ZNF521: variants seen among roughly 807,000 people sequenced by gnomAD.
ZNF521 encodes the protein zinc finger protein 521.
Under a neutral mutation model 105.5 loss-of-function variants are expected in ZNF521, and 14 were observed. The observed-to-expected ratio is 0.13, with a 90% CI of 0.09 to 0.21. ZNF521 has a LOEUF of 0.21. Ranked by LOEUF, ZNF521 falls within the 10% of genes least tolerant of loss-of-function variation. ZNF521 has a pLI of 1.00. For missense variants in ZNF521, 1,233 were observed against 1,629.7 expected (o/e 0.76, Z 4.19); for synonymous variants, 635 against 606.0 (o/e 1.05, Z -0.70).
At position 25,091,795 on chromosome 18, in the gene ZNF521, A is replaced by G. The variant is rs565981117; in HGVS notation, c.3790+155T>C. On this transcript the variant is annotated intron_variant, in intron 6 of 7. Transcript: ENST00000361524. ...TGAGCCTTTAAGTAGGCTGCAATCA[A>G]TAATGCTAATAAAGCAGAAATCAAA... Among the ~76,000 whole-genome samples the G allele has an allele frequency of 2.8e-4, 43 of 152,368 alleles. 1 individual carries two copies. The South Asian group carries it at 7.5e-3, about 26-fold the overall frequency.
chr18:25,271,978 C>T (rs764684951), intron 3 of ZNF521, among the ~76,000 whole-genome samples: 1 of 152,096 alleles, frequency 6.6e-6, no homozygotes, highest in Non-Finnish European at 1.5e-5. Flanking sequence ...GAAGAGGCAA[C>T]CTACAGAATG....
At chr18:25,106,018 T>C (rs961150740) in intron 5 of ZNF521, among the ~76,000 whole-genome samples, 3 of 151,130 alleles carry the variant, frequency 2.0e-5, no homozygotes, top group African/African-American at 7.4e-5. Flanking sequence ...ATTCGTTTTG[T>C]TGTTGTTGTT....
chr18:25,176,939 C>T (rs2035545774), intron 5 of ZNF521, among the ~76,000 whole-genome samples: 1 of 152,230 alleles, frequency 6.6e-6, no homozygotes, highest in Admixed American at 6.5e-5. Flanking sequence ...GGTGTTTACT[C>T]CCAATACTCG....
intron 5 of ZNF521, among the ~76,000 whole-genome samples, chr18:25,146,051 C>A (rs924933983): frequency 6.6e-6 from 1 of 152,238 alleles, no homozygotes; most frequent in Middle Eastern, 3.4e-3. Flanking sequence ...TTTACTTCAA[C>A]CTTCAAACAA....
chr18:25,171,525 A>G (rs2035448593), intron 5 of ZNF521, among the ~76,000 whole-genome samples: 1 of 152,170 alleles, frequency 6.6e-6, no homozygotes, highest in Non-Finnish European at 1.5e-5. Context: ...ACAGATTTAT[A>G]ATCTTTTCCA....
chr18:25,097,007 T>C (rs920793929), intron 5 of ZNF521, among the ~76,000 whole-genome samples: 1 of 152,164 alleles, frequency 6.6e-6, no homozygotes, highest in South Asian at 2.1e-4. Context: ...AAGAAAACTA[T>C]GCCCTAACCC....
At chr18:25,216,394 G>A (rs776953996) in intron 4 of ZNF521, among the ~76,000 whole-genome samples, 24 of 152,068 alleles carry the variant, frequency 1.6e-4, no homozygotes, top group Non-Finnish European at 2.9e-4. Context: ...TAGGCTAAAT[G>A]ACCTATACCC....
At chr18:25,301,300 C>T (rs1301885492) in intron 3 of ZNF521, among the ~76,000 whole-genome samples, 1 of 152,168 alleles carries the variant, frequency 6.6e-6, no homozygotes, top group African/African-American at 2.4e-5. Context: ...TGAGAATGAG[C>T]CTCCTGCCCT....
intron 2 of ZNF521, among the ~76,000 whole-genome samples, chr18:25,336,719 C>G (rs1475701658): frequency 1.3e-5 from 2 of 152,208 alleles, no homozygotes; most frequent in Non-Finnish European, 2.9e-5. Context: ...CCCCACAAAA[C>G]AGGCTTCAGA....
At chr18:25,166,736 T>G (rs527791927) in intron 5 of ZNF521, among the ~76,000 whole-genome samples, 21 of 152,342 alleles carry the variant, frequency 1.4e-4, no homozygotes, top group African/African-American at 5.0e-4. Flanking sequence ...TGAATTATTA[T>G]AGAAAACATA....
chr18:25,266,773 C>A (rs1411903717), intron 3 of ZNF521, among the ~76,000 whole-genome samples: 1 of 152,198 alleles, frequency 6.6e-6, no homozygotes, highest in Non-Finnish European at 1.5e-5. Flanking sequence ...GAGATTCCCT[C>A]CTGGGGGTGC....
At chr18:25,170,959 G>A (rs1013602124) in intron 5 of ZNF521, among the ~76,000 whole-genome samples, 3 of 152,098 alleles carry the variant, frequency 2.0e-5, no homozygotes, top group Admixed American at 2.0e-4. Context: ...AGAAGTCAGT[G>A]TTAAGAAAAT....
At chr18:25,190,075 G>T (rs908233832) in intron 5 of ZNF521, among the ~76,000 whole-genome samples, 4 of 152,046 alleles carry the variant, frequency 2.6e-5, no homozygotes, top group Non-Finnish European at 5.9e-5. Flanking sequence ...ACCCTTTATG[G>T]GCTTTTCAAA....
At chr18:25,084,332 C>T (rs890763511) in intron 7 of ZNF521, among the ~76,000 whole-genome samples, 1 of 150,706 alleles carries the variant, frequency 6.6e-6, no homozygotes, top group South Asian at 2.1e-4. Flanking sequence ...TTGTCTTATA[C>T]GTCCCATCCC....
At chr18:25,240,896 C>T (rs1907277521) in intron 3 of ZNF521, among the ~76,000 whole-genome samples, 1 of 148,126 alleles carries the variant, frequency 6.8e-6, no homozygotes, top group Non-Finnish European at 1.5e-5. Context: ...CAGGCCAGCA[C>T]TGGGGCGAGT....
At position 25,227,607 on chromosome 18, in the gene ZNF521, C is replaced by T; in HGVS notation, c.311G>A (p.Gly104Asp). 1.2e-6 allele frequency: 2 copies of T among 1,614,136 alleles called. No individual in the cohort carries two copies. Among genetic ancestry groups the T allele is most frequent in the South Asian group, 1.1e-5 (1 of 91,088 alleles). Reference sequence around the variant, plus strand: ...ACCTTCTTCCTCTCCAAAATCGCAACCTTCTCCATGGCTAGGGGAAGTCTG... The same window carrying T: ...ACCTTCTTCCTCTCCAAAATCGCAATCTTCTCCATGGCTAGGGGAAGTCTG... ...KDQTSPSHGEGCDFGEEEGGP... is the reference protein window; with the variant it reads ...KDQTSPSHGEDCDFGEEEGGP... The change falls in exon 4 of 8, where the codon GGT becomes GAT. Residue 104 changes from glycine to aspartate, a missense_variant. Around this residue, in one of 6 missense-constraint regions of ZNF521, gnomAD observed 85 missense variants for 162.2 expected, o/e 0.52. Coordinates refer to ENST00000361524, the MANE Select transcript of ZNF521 (RefSeq NM_015461.3). This position sits in a 1 kb window ranked among gnomAD's most constrained non-coding sequence, Gnocchi z 5.7.
At chr18:25,182,509 C>T (rs1216086512) in intron 5 of ZNF521, among the ~76,000 whole-genome samples, 1 of 152,192 alleles carries the variant, frequency 6.6e-6, no homozygotes, top group Non-Finnish European at 1.5e-5. Context: ...ACGCCCATTT[C>T]GCTTCCCTTC....
At chr18:25,119,934 T>C (rs550637683) in intron 5 of ZNF521, among the ~76,000 whole-genome samples, 6 of 152,202 alleles carry the variant, frequency 3.9e-5, no homozygotes, top group Middle Eastern at 3.4e-3. Context: ...GCTAAACTGA[T>C]TGGAAGAAAA....
chr18:25,115,425 T>TC (rs1488343236), intron 5 of ZNF521, among the ~76,000 whole-genome samples: 1 of 152,050 alleles, frequency 6.6e-6, no homozygotes, highest in African/African-American at 2.4e-5. Flanking sequence ...GTATCTCTTT[T>TC]CCCCTTTAAA....
Sources: gnomAD v4.1 joint callset for allele counts (sites outside exome capture counted in the v4.1 genomes callset) on GRCh38, gnomAD v4.1.1 for gene constraint, gnomAD v4.1.1 regional missense constraint, Gnocchi (gnomAD v3.1) non-coding constraint, MANE v1.5 for transcripts, NCBI Gene and HGNC (gene_info 2026-07-23, HGNC 2026-07-21) for gene names.